Variants in TAFA2 observed in about 807,000 individuals in gnomAD.
The protein encoded by TAFA2 is TAFA chemokine like family member 2.
In TAFA2, 7 loss-of-function variants were observed where a neutral mutation model predicts 18.8. The ratio of observed to expected loss-of-function variants is 0.37; its 90% CI spans 0.21 to 0.70. The LOEUF is 0.70. Among genes scored for constraint, TAFA2 ranks in the 30% least tolerant of loss-of-function variants. The pLI, the probability that TAFA2 is intolerant of heterozygous loss-of-function variation, is 0.53. For synonymous variants in TAFA2, 60 were observed against 54.2 expected (o/e 1.11, Z -0.47); for missense variants, 122 against 158.1 (o/e 0.77, Z 1.23).
chr12:61,786,591 G>A (rs1256346403), intron 2 of TAFA2, among the ~76,000 whole-genome samples: 2 of 151,344 alleles, frequency 1.3e-5, no homozygotes, highest in Non-Finnish European at 3.0e-5. Flanking sequence ...AAAGGTGCTA[G>A]GAAAGATAAA....
At chr12:61,759,327 G>A (rs1408610844) in intron 2 of TAFA2, among the ~76,000 whole-genome samples, 2 of 151,996 alleles carry the variant, frequency 1.3e-5, no homozygotes, top group Non-Finnish European at 2.9e-5. Context: ...AGGGCATGAC[G>A]TGCTTTGTCT....
intron 1 of TAFA2, among the ~76,000 whole-genome samples, chr12:61,934,167 C>G (rs1353872179): frequency 6.6e-6 from 1 of 152,198 alleles, no homozygotes; most frequent in Non-Finnish European, 1.5e-5. Context: ...TACAAACTCA[C>G]TATCCTGAAT....
At chr12:61,938,330 AAAAC>A (rs1877859531) in intron 1 of TAFA2, among the ~76,000 whole-genome samples, 2 of 151,328 alleles carry the variant, frequency 1.3e-5, no homozygotes, top group Non-Finnish European at 2.9e-5. Context: ...TTCTTTTTTT[AAAAC>A]CTTTATTTTA....
intron 1 of TAFA2, among the ~76,000 whole-genome samples, chr12:62,065,077 T>TC (rs796814183): frequency 9.9e-5 from 15 of 152,144 alleles, no homozygotes; most frequent in African/African-American, 3.4e-4. Context: ...AACACTATGC[T>TC]CCCTCAAGAT....
intron 2 of TAFA2, among the ~76,000 whole-genome samples, chr12:61,847,847 T>C (rs183718270): frequency 3.8e-4 from 58 of 152,280 alleles, no homozygotes; most frequent in Middle Eastern, 3.4e-3. Context: ...ATTTGCAGAG[T>C]TAGAAAATAA....
intron 1 of TAFA2, among the ~76,000 whole-genome samples, chr12:61,928,156 G>A (rs4592475): frequency 0.028 from 4,253 of 152,164 alleles, 84 homozygotes; most frequent in Non-Finnish European, 0.045. Flanking sequence ...CAAAATTGAC[G>A]AATGGGATCT....
intron 1 of TAFA2, among the ~76,000 whole-genome samples, chr12:61,937,391 C>G (rs1877813597): frequency 6.6e-6 from 1 of 152,090 alleles, no homozygotes; most frequent in Non-Finnish European, 1.5e-5. Flanking sequence ...ATCACATTAC[C>G]TGACTTCAAA....
rs183078567 is a variant in TAFA2, at chr12:62,087,586, G to T, written c.-2+103673C>A. Among the ~76,000 whole-genome samples the T allele has an allele frequency of 9.9e-5, 15 of 152,264 alleles. No homozygotes were observed. In the East Asian group the frequency reaches 2.3e-3, roughly 24 times the overall value. On this transcript the variant is annotated intron_variant, in intron 1 of 4. Coordinates refer to ENST00000416284, the MANE Select transcript of TAFA2 (RefSeq NM_178539.5). ...TGCATGTTGAAGAAACAGAAAAAAG[G>T]CACACTAGAGTGGATCCTGGGAATG...
chr12:62,068,934 A>T (rs1882559117), intron 1 of TAFA2, among the ~76,000 whole-genome samples: 1 of 152,086 alleles, frequency 6.6e-6, no homozygotes, highest in African/African-American at 2.4e-5. Flanking sequence ...GAAAGATGTG[A>T]CTCCTAAACT....
intron 4 of TAFA2, among the ~76,000 whole-genome samples, chr12:61,750,357 G>A (rs1320546612): frequency 6.6e-6 from 1 of 152,036 alleles, no homozygotes; most frequent in East Asian, 1.9e-4. Context: ...TGGGGTTTGG[G>A]AAACAACTGT....
At chr12:61,912,140 T>C (rs554244919) in intron 1 of TAFA2, among the ~76,000 whole-genome samples, 3 of 152,294 alleles carry the variant, frequency 2.0e-5, no homozygotes, top group African/African-American at 7.2e-5. Context: ...GCATGAGAAT[T>C]CCAAGGTTCA....
intron 1 of TAFA2, among the ~76,000 whole-genome samples, chr12:62,244,237 C>CTTTTTTTTT (rs35569192): frequency 7.4e-6 from 1 of 134,276 alleles, no homozygotes; most frequent in African/African-American, 2.8e-5. Context: ...TTTCTTTTGT[C>CTTTTTTTTT]TTTTTTTTTT....
chr12:61,760,091 T>TTTTTC (rs1555162663), intron 2 of TAFA2, among the ~76,000 whole-genome samples: 1 of 150,302 alleles, frequency 6.7e-6, no homozygotes, highest in African/African-American at 2.4e-5. Context: ...TTTTTTTTTT[T>TTTTTC]CACTGCCTAT....
rs140553833 is a variant in TAFA2, at chr12:61,751,038, A to G, written c.384+2584T>C. 3.6e-4 allele frequency among the ~76,000 whole-genome samples: 55 copies of G among 152,184 alleles called. No homozygotes were observed. The South Asian group carries it at 8.9e-3, about 25-fold the overall frequency. On this transcript the variant is annotated intron_variant, in intron 4 of 4. Coordinates refer to ENST00000416284, the MANE Select transcript of TAFA2 (RefSeq NM_178539.5). ...ACCAATGATTAAAATAATGACTCAA[A>G]TTTGTTTTCAAAAGTAGTGCTATTT... is the stretch of plus-strand genomic sequence containing the variant.
chr12:62,058,310 T>C (rs1483427837), intron 1 of TAFA2, among the ~76,000 whole-genome samples: 5 of 152,192 alleles, frequency 3.3e-5, no homozygotes, highest in Non-Finnish European at 7.3e-5. Flanking sequence ...GAATCTTTCA[T>C]CAATTTTGGA....
chr12:61,970,572 C>A (rs915656222), intron 1 of TAFA2, among the ~76,000 whole-genome samples: 1 of 151,008 alleles, frequency 6.6e-6, no homozygotes, highest in African/African-American at 2.4e-5. Flanking sequence ...ACATCAAACC[C>A]CAATTTGGAA....
At chr12:61,930,229 T>C (rs1294417276) in intron 1 of TAFA2, among the ~76,000 whole-genome samples, 2 of 151,966 alleles carry the variant, frequency 1.3e-5, no homozygotes, top group African/African-American at 4.8e-5. Flanking sequence ...TTACACAAAA[T>C]AGACTTAAGT....
chr12:62,028,275 G>A (rs150245625), intron 1 of TAFA2, among the ~76,000 whole-genome samples: 7 of 152,112 alleles, frequency 4.6e-5, no homozygotes, highest in African/African-American at 7.2e-5. Flanking sequence ...CAATAACCTC[G>A]TCTATCTAGA....
intron 1 of TAFA2, among the ~76,000 whole-genome samples, chr12:62,165,862 CAT>C (rs542524708): frequency 6.6e-6 from 1 of 151,764 alleles, no homozygotes; most frequent in Non-Finnish European, 1.5e-5. Context: ...AGCTTAGGGA[CAT>C]AGAATTTAAC....
Sources: allele counts gnomAD v4.1 joint callset (sites outside exome capture counted in the v4.1 genomes callset), GRCh38; gene constraint gnomAD v4.1.1; transcripts MANE v1.5; gene names NCBI Gene and HGNC (gene_info 2026-07-23, HGNC 2026-07-21).